RPN1: variants seen among roughly 807,000 people sequenced by gnomAD.
RPN1 encodes dolichyl-diphosphooligosaccharide--protein glycosyltransferase subunit 1.
RPN1 carries 12 observed loss-of-function variants against 55.5 expected under a neutral mutation model. The observed-to-expected ratio is 0.22, with a 90% CI of 0.14 to 0.35. The LOEUF is 0.35. RPN1 is among the 10% of genes least tolerant of loss of function. RPN1 has a pLI of 1.00. For synonymous variants in RPN1, 317 were observed against 305.9 expected (o/e 1.04, Z -0.38); for missense variants, 679 against 761.3 (o/e 0.89, Z 1.27).
At position 128,622,281 on chromosome 3, in the gene RPN1, G is replaced by T. The variant is rs532769664; in HGVS notation, c.1524C>A (p.Asp508Glu). ...ETVNRYKQSR[D>E]ISTLNSGKKS... ...TCTTGCCACTGTTGAGGGTGGAGAT[G>T]TCCCGGGATTGCTTGTACCTATTGA... The change falls in exon 9 of 10, where the codon GAC becomes GAA. Residue 508 changes from aspartate (D) to glutamate (E), a missense_variant. This residue lies in a region of RPN1 where 306 missense variants were observed against 360.0 expected (regional missense o/e 0.85). Transcript: ENST00000296255. The T allele has an allele frequency of 6.2e-7, 1 of 1,614,238 alleles. No individual in the cohort carries two copies. Among genetic ancestry groups the T allele is most frequent in the Admixed American group, 1.7e-5 (1 of 60,032 alleles).
intron 3 of RPN1, among the ~76,000 whole-genome samples, chr3:128,635,985 T>C (rs1467547350): frequency 6.6e-6 from 1 of 152,098 alleles, no homozygotes; most frequent in East Asian, 1.9e-4. Flanking sequence ...TAACTTGTTA[T>C]ATATGATTTT....
intron 3 of RPN1, among the ~76,000 whole-genome samples, chr3:128,635,381 A>T (rs996789215): frequency 7.1e-4 from 107 of 151,622 alleles, no homozygotes; most frequent in African/African-American, 2.5e-3. Context: ...GGCTACCGCA[A>T]CCCCTACCTC....
chr3:128,622,615 C>G (rs944428178), intron 8 of RPN1, among the ~76,000 whole-genome samples: 1 of 152,170 alleles, frequency 6.6e-6, no homozygotes, highest in Non-Finnish European at 1.5e-5. Context: ...AGCAGACCAG[C>G]CGGGCCTGGT....
chr3:128,627,541 C>T, intron 5 of RPN1, among the ~76,000 whole-genome samples: 1 of 152,054 alleles, frequency 6.6e-6, no homozygotes, highest in Non-Finnish European at 1.5e-5. Context: ...GAGGCAGAGG[C>T]AGGCAGATCA....
rs1460155578 is a variant in RPN1, at chr3:128,630,303, C to T, written c.844-160G>A. Among the ~76,000 whole-genome samples the T allele has an allele frequency of 2.0e-5, 3 of 152,304 alleles. No individual in the cohort carries two copies. In the South Asian group the frequency reaches 6.2e-4, roughly 32 times the overall value. ...ACCTAAAAAAGTCTAACTTTCCCCA[C>T]AAAGGTTTGCGTCGACTTCTCAATC... is the stretch of plus-strand genomic sequence containing the variant. On this transcript the variant is annotated intron_variant, in intron 4 of 9. Coordinates refer to ENST00000296255, the MANE Select transcript of RPN1 (RefSeq NM_002950.4).
chr3:128,620,274 C>T lies in RPN1; in HGVS notation c.*137G>A. 1.7e-6 allele frequency: 1 copy of T among 583,234 alleles called. No homozygotes were observed. The highest frequency in any genetic ancestry group is 2.7e-6 in the Non-Finnish European group (1 of 368,582). 36.1% of individuals were successfully genotyped at this position (583,234 alleles called of 1,614,324 possible). A position where few individuals can be genotyped will look rare whatever the true frequency, so the allele number is the denominator to read the frequency against. On this transcript the variant is annotated 3_prime_UTR_variant, in exon 10 of 10. Coordinates refer to ENST00000296255, the MANE Select transcript of RPN1 (RefSeq NM_002950.4). ...AAACTCACACTGCCTGACGCAGGGC[C>T]TGGTTTCTCTTCCTTGAAGGCCTTT... is the stretch of plus-strand genomic sequence containing the variant.
In RPN1 at chr3:128,637,827, G is replaced by C; in HGVS notation, c.605C>G (p.Pro202Arg). 1 of 1,612,962 alleles carries C rather than the reference G, an allele frequency of 6.2e-7. No homozygotes were observed. The highest frequency in any genetic ancestry group is 8.5e-7 in the Non-Finnish European group (1 of 1,179,852). Residue 202 changes from proline (P) to arginine (R), a missense_variant, in exon 3 of 10, where the codon CCT becomes CGT. Coordinates refer to ENST00000296255, the MANE Select transcript of RPN1 (RefSeq NM_002950.4). ...ACTATAGGCAGGCACATCTCTGAAA[G>C]GCCCATAATCCAGTAGGTCCTCAGA... ...TRSEDLLDYG[P>R]FRDVPAYSQD... is the part of the protein sequence containing the mutation.
chr3:128,643,855 C>T (rs1368897530), intron 2 of RPN1, among the ~76,000 whole-genome samples: 7 of 151,836 alleles, frequency 4.6e-5, no homozygotes, highest in Non-Finnish European at 1.0e-4. Context: ...CCCAGATACT[C>T]GGGAGCCTGA....
At chr3:128,636,324 G>C (rs1239888535) in intron 3 of RPN1, among the ~76,000 whole-genome samples, 1 of 151,984 alleles carries the variant, frequency 6.6e-6, no homozygotes, top group Non-Finnish European at 1.5e-5. Context: ...AGCCAGGTGT[G>C]GTAGCGGGCA....
chr3:128,643,771 G>C (rs2069746375), intron 2 of RPN1, among the ~76,000 whole-genome samples: 1 of 151,732 alleles, frequency 6.6e-6, no homozygotes, highest in African/African-American at 2.4e-5. Flanking sequence ...CTCCAGCCCA[G>C]GCAAAGAGAG....
chr3:128,644,923 T>C lies in RPN1; in HGVS notation c.322A>G (p.Lys108Glu), dbSNP rs762485457. The change falls in exon 2 of 10, where the codon AAA becomes GAA. Residue 108 changes from lysine to glutamate, a missense_variant. This residue lies in a region of RPN1 where 352 missense variants were observed against 352.8 expected (regional missense o/e 1.00). Transcript: ENST00000296255. ...LEVRETKIKG[K>E]SGRFFTVKLP... ...GTATATTGTTTGTCAGCTTACCTTT[T>C]ACCCTTAATTTTGGTTTCACGTACT... The C allele has an allele frequency of 5.9e-6, 9 of 1,527,596 alleles. No homozygotes were observed. The highest frequency in any genetic ancestry group is 2.2e-5 in the East Asian group (1 of 44,494). 94.6% of individuals were successfully genotyped at this position (1,527,596 alleles called of 1,614,324 possible). A position where few individuals can be genotyped will look rare whatever the true frequency, so the allele number is the denominator to read the frequency against.
At chr3:128,626,673 G>A (rs552187403) in intron 6 of RPN1, 60 bp downstream of exon 6, 3 of 1,426,522 alleles carry the variant, frequency 2.1e-6, no homozygotes, top group Admixed American at 3.4e-5. Flanking sequence ...CTCTCCTTAG[G>A]GTACCACAAG....
intron 5 of RPN1, among the ~76,000 whole-genome samples, chr3:128,628,401 A>G (rs1002850975): frequency 1.3e-5 from 2 of 152,308 alleles, no homozygotes; most frequent in Non-Finnish European, 2.9e-5. Flanking sequence ...ATTAGAGTGA[A>G]TAACAACAAA....
intron 8 of RPN1, among the ~76,000 whole-genome samples, chr3:128,623,548 A>C (rs142655270): frequency 1.1e-5 from 1 of 92,320 alleles, no homozygotes; most frequent in Admixed American, 1.0e-4. Flanking sequence ...GAGAAAAAAA[A>C]CATTTTTTTA....
Position 128,622,230 on chromosome 3 carries a change from G to A in RPN1, c.1575C>T (p.Ala525=). Reference sequence around the variant, plus strand: ...GCAGCAGTGCAATCTCACTGGTCAAGGCCTTGTGTTCAGTCTCCAGGCTCT... The same window carrying A: ...GCAGCAGTGCAATCTCACTGGTCAAAGCCTTGTGTTCAGTCTCCAGGCTCT... ...GKKSLETEHK[A]LTSEIALLQS... is the part of the protein sequence containing the mutation. Residue 525 remains alanine (A), a synonymous_variant, in exon 9 of 10, where the codon GCC becomes GCT. Transcript: ENST00000296255. The A allele has an allele frequency of 6.2e-7, 1 of 1,614,128 alleles. No homozygotes were observed. Among genetic ancestry groups the A allele is most frequent in the Non-Finnish European group, 8.5e-7 (1 of 1,179,930 alleles).
chr3:128,628,950 C>G (rs952653616), intron 5 of RPN1, among the ~76,000 whole-genome samples: 1 of 152,012 alleles, frequency 6.6e-6, no homozygotes, highest in Non-Finnish European at 1.5e-5. Context: ...CCAAGAAAAA[C>G]AGATGTAGGT....
In RPN1 at chr3:128,637,864, T is replaced by C. The variant is rs762392920; in HGVS notation, c.568A>G (p.Asn190Asp). The C allele has an allele frequency of 1.9e-6, 3 of 1,614,088 alleles. No homozygotes were observed. Among genetic ancestry groups the C allele is most frequent in the South Asian group, 1.1e-5 (1 of 91,072 alleles). Residue 190 changes from asparagine to aspartate, a missense_variant, in exon 3 of 10, where the codon AAC becomes GAC. Physicochemically the swap from Asn to Asp is conservative, Grantham distance 23. This residue lies in a region of RPN1 where 352 missense variants were observed against 352.8 expected (regional missense o/e 1.00). Coordinates refer to ENST00000296255, the MANE Select transcript of RPN1 (RefSeq NM_002950.4). ...RNVESYTKLGNPTRSEDLLDY... is the reference protein window; with the variant it reads ...RNVESYTKLGDPTRSEDLLDY... ...AGTAGGTCCTCAGAGCGCGTGGGGT[T>C]CCCCAGCTTGGTGTAGCTCTCCACA...
rs553083615 is a variant in RPN1 at position 128,626,172 on chromosome 3, G to C, written c.1137-160C>G. On this transcript the variant is annotated intron_variant, in intron 6 of 9. Transcript: ENST00000296255. Reference sequence around the variant, plus strand: ...AGCTATGGAGAACACCCACTCTCTTGAGACAGGGGAGCCAGTGCCAGAAAG... The same window carrying C: ...AGCTATGGAGAACACCCACTCTCTTCAGACAGGGGAGCCAGTGCCAGAAAG... Among the ~76,000 whole-genome samples the C allele has an allele frequency of 7.2e-5, 11 of 152,254 alleles. No individual in the cohort carries two copies. The South Asian group carries it at 2.3e-3, about 32-fold the overall frequency.
Position 128,622,373 on chromosome 3 carries a change from T to TG in RPN1, c.1431dup (p.Ile478HisfsTer20), listed in dbSNP as rs748690461. 6.2e-7 allele frequency: 1 copy of TG among 1,614,218 alleles called. No individual in the cohort carries two copies. The highest frequency in any genetic ancestry group is 8.5e-7 in the Non-Finnish European group (1 of 1,180,032). On this transcript the variant is annotated frameshift_variant, in exon 9 of 10. Transcript: ENST00000296255. LOFTEE classifies it high-confidence loss of function. The stretch of plus-strand genomic sequence containing the variant: ...ACCAGGGTCAAGACCTGCTCTGTGA[T>TG]GCAGGCTACCTTCATCCTGGCTTCT...
Sources: gnomAD v4.1 joint callset for allele counts (sites outside exome capture counted in the v4.1 genomes callset) on GRCh38, gnomAD v4.1.1 for gene constraint, gnomAD v4.1.1 regional missense constraint, MANE v1.5 for transcripts, NCBI Gene and HGNC (gene_info 2026-07-23, HGNC 2026-07-21) for gene names.